UNC119B: variants seen among roughly 807,000 people sequenced by gnomAD.
The protein encoded by UNC119B is unc-119 lipid binding chaperone B.
A neutral mutation model predicts 23.4 loss-of-function variants in UNC119B; 16 were observed. The ratio of observed to expected loss-of-function variants is 0.68; its 90% confidence interval spans 0.46 to 1.04. UNC119B has a LOEUF of 1.04. Ranked by LOEUF, UNC119B falls within the 50% of genes least tolerant of loss-of-function variation. UNC119B has a pLI of 0.00. For missense variants in UNC119B, 350 were observed against 361.3 expected (o/e 0.97, Z 0.25); for synonymous variants, 144 against 145.4 (o/e 0.99, Z 0.07).
At chr12:120,716,412 G>A (rs1183836855) in intron 2 of UNC119B, among the ~76,000 whole-genome samples, 2 of 152,214 alleles carry the variant, frequency 1.3e-5, no homozygotes, top group Non-Finnish European at 2.9e-5. Context: ...TTCCTGATCT[G>A]TAAAATAGAG....
rs1882785653 is a variant in UNC119B at position 120,716,664 on chromosome 12, T to C, written c.395T>C (p.Val132Ala). 1 of 1,614,096 alleles carries C rather than the reference T, an allele frequency of 6.2e-7. No homozygotes were observed. The highest frequency in any genetic ancestry group is 8.5e-7 in the Non-Finnish European group (1 of 1,180,046). ...EEDEEEGGGD[V>A]DISAGRFVRY... Reference sequence around the variant, plus strand: ...GATGAGGAGGAGGGAGGTGGAGACGTGGACATCAGCGCAGGACGTTTTGTC... The same window carrying C: ...GATGAGGAGGAGGGAGGTGGAGACGCGGACATCAGCGCAGGACGTTTTGTC... Residue 132 changes from valine (V) to alanine (A), a missense_variant, in exon 3 of 5, where the codon GTG becomes GCG. Coordinates refer to ENST00000344651, the MANE Select transcript of UNC119B (RefSeq NM_001080533.3).
intron 2 of UNC119B, among the ~76,000 whole-genome samples, chr12:120,715,414 C>T (rs1051270590): frequency 1.3e-5 from 2 of 150,708 alleles, no homozygotes; most frequent in African/African-American, 2.4e-5. Context: ...CTGAAAAAGT[C>T]TTCTCTTATG....
chr12:120,713,885 T>G (rs1882718500), intron 2 of UNC119B, among the ~76,000 whole-genome samples: 1 of 152,168 alleles, frequency 6.6e-6, no homozygotes, highest in African/African-American at 2.4e-5. Context: ...CTTGCTCTCT[T>G]TTACATATTG....
intron 2 of UNC119B, among the ~76,000 whole-genome samples, chr12:120,714,359 C>T (rs952901676): frequency 6.6e-6 from 1 of 151,826 alleles, no homozygotes; most frequent in Non-Finnish European, 1.5e-5. Context: ...CTTGGTCTGT[C>T]ACCCAGGCTG....
chr12:120,717,584 A>T, intron 4 of UNC119B, among the ~76,000 whole-genome samples: 1 of 145,502 alleles, frequency 6.9e-6, no homozygotes. Context: ...TTTTTTTGAG[A>T]CGGAGTCTTG....
intron 1 of UNC119B, 41 bp downstream of exon 1, chr12:120,710,759 C>G (rs1882646339): frequency 7.7e-7 from 1 of 1,295,348 alleles, no homozygotes. Context: ...CGCGCCGTGC[C>G]CCGGCTCCCG....
chr12:120,715,603 G>A (rs1024099395), intron 2 of UNC119B, among the ~76,000 whole-genome samples: 2 of 129,898 alleles, frequency 1.5e-5, no homozygotes, highest in Admixed American at 9.0e-5. Flanking sequence ...GCACAATCTC[G>A]GCTCACTACA....
At chr12:120,712,883 C>T (rs1239658994) in intron 1 of UNC119B, among the ~76,000 whole-genome samples, 1 of 152,170 alleles carries the variant, frequency 6.6e-6, no homozygotes, top group African/African-American at 2.4e-5. Context: ...GGCAAACTAA[C>T]GTTGGCAAAC....
intron 1 of UNC119B, among the ~76,000 whole-genome samples, chr12:120,712,530 AT>A (rs1297439544): frequency 6.6e-6 from 1 of 152,204 alleles, no homozygotes; most frequent in African/African-American, 2.4e-5. Context: ...TCACCGGCAG[AT>A]TTATCCTCTT....
chr12:120,718,539 C>T (rs1159116490), intron 4 of UNC119B, among the ~76,000 whole-genome samples: 1 of 152,086 alleles, frequency 6.6e-6, no homozygotes, highest in African/African-American at 2.4e-5. Flanking sequence ...GGAAGAGTGG[C>T]CTAGACCTGG....
chr12:120,713,977 G>A (rs1244752960), intron 2 of UNC119B, among the ~76,000 whole-genome samples: 2 of 152,162 alleles, frequency 1.3e-5, no homozygotes, highest in Non-Finnish European at 2.9e-5. Context: ...ACTACTTGGG[G>A]TTCCTTAAAT....
intron 4 of UNC119B, among the ~76,000 whole-genome samples, chr12:120,719,036 A>T (rs1453287840): frequency 6.6e-6 from 1 of 152,242 alleles, no homozygotes; most frequent in African/African-American, 2.4e-5. Context: ...AATATTATGC[A>T]TATAAACCGA....
In UNC119B at chr12:120,716,998, C is replaced by T. The variant is rs753570015; in HGVS notation, c.599C>T (p.Thr200Ile). ...FGFCIPSSRN[T>I]CEHIYEFPQL... ...TTCTGCATCCCCAGCAGTAGGAACA[C>T]TTGTGAACATATCTATGAGTTTCCC... is the stretch of plus-strand genomic sequence containing the variant. Residue 200 changes from threonine (T) to isoleucine (I), a missense_variant, in exon 4 of 5, where the codon ACT becomes ATT. Physicochemically the swap from Thr to Ile is moderately conservative, Grantham distance 89 (BLOSUM62 -1). Transcript: ENST00000344651. 3 of 1,611,754 alleles carry T rather than the reference C, an allele frequency of 1.9e-6. No homozygotes were observed. Among genetic ancestry groups the T allele is most frequent in the Admixed American group, 1.7e-5 (1 of 59,780 alleles).
chr12:120,714,003 G>A (rs148148520), intron 2 of UNC119B, among the ~76,000 whole-genome samples: 33 of 152,240 alleles, frequency 2.2e-4, no homozygotes, highest in Admixed American at 4.6e-4. Context: ...TCCCATAGCC[G>A]CTTCCTGTGC....
In UNC119B at chr12:120,720,779, C is replaced by T. The variant is rs1037405514; in HGVS notation, c.*747C>T. ...ATCTCCTGGCTCCTCCCTTCTGAGTCTCATGAAATAGAATGAGTCAGCTCT... is the reference window on the plus strand; with the variant it reads ...ATCTCCTGGCTCCTCCCTTCTGAGTTTCATGAAATAGAATGAGTCAGCTCT... On this transcript the variant is annotated 3_prime_UTR_variant, in exon 5 of 5. Transcript: ENST00000344651. 1.3e-5 allele frequency: 2 copies of T among 152,208 alleles called. No homozygotes were observed. The highest frequency in any genetic ancestry group is 1.9e-4 in the East Asian group (1 of 5,200). 9.4% of individuals were successfully genotyped at this position (152,208 alleles called of 1,614,324 possible).
Position 120,713,078 on chromosome 12 carries a change from T to C in UNC119B, c.245-196T>C, listed in dbSNP as rs372697486. Among the ~76,000 whole-genome samples, 13 of 152,380 alleles carry C rather than the reference T, an allele frequency of 8.5e-5. 1 individual carries two copies. The South Asian group carries it at 2.7e-3, about 32-fold the overall frequency. On this transcript the variant is annotated intron_variant, in intron 1 of 4. Coordinates refer to ENST00000344651, the MANE Select transcript of UNC119B (RefSeq NM_001080533.3). ...TTTTTCATCCAAAGCAAGTCCTTGT[T>C]ATTTTTTTTCTTTGTTGGATCCCCT...
intron 2 of UNC119B, among the ~76,000 whole-genome samples, chr12:120,713,947 A>G (rs917785187): frequency 1.3e-5 from 2 of 152,178 alleles, no homozygotes; most frequent in Admixed American, 1.3e-4. Context: ...ATTTTCTGGA[A>G]GAACAGACCC....
At position 120,717,035 on chromosome 12, in the gene UNC119B, G is replaced by T; in HGVS notation, c.636G>T (p.Glu212Asp). ...EHIYEFPQLS[E>D]DVIRLMIENP... ...TCTATGAGTTTCCCCAGCTTTCGGAGGATGTCAGTATGTATCCCCTGACCC... is the reference window on the plus strand; with the variant it reads ...TCTATGAGTTTCCCCAGCTTTCGGATGATGTCAGTATGTATCCCCTGACCC... The change falls in exon 4 of 5, where the codon GAG becomes GAT. Residue 212 changes from glutamate (E) to aspartate (D), a missense_variant. Physicochemically the swap from Glu to Asp is conservative, Grantham distance 45 (BLOSUM62 2). Transcript: ENST00000344651. The T allele has an allele frequency of 1.3e-6, 2 of 1,590,854 alleles. No individual in the cohort carries two copies. Among genetic ancestry groups the T allele is most frequent in the Non-Finnish European group, 1.7e-6 (2 of 1,167,460 alleles).
rs1330478764 is a variant in UNC119B at position 120,720,151 on chromosome 12, G to T, written c.*119G>T. 6.9e-6 allele frequency: 5 copies of T among 728,776 alleles called. No individual in the cohort carries two copies. The highest frequency in any genetic ancestry group is 1.1e-5 in the Non-Finnish European group (5 of 438,838). The allele number at this position is 728,776 out of a possible 1,614,324, so 45.1% of individuals were successfully genotyped here. ...TGGAACCTGGCCCCAGGAAGCCAAG[G>T]CTGGGGTGGCAGTTTCCTGCGCGCC... On this transcript the variant is annotated 3_prime_UTR_variant, in exon 5 of 5. Coordinates refer to ENST00000344651, the MANE Select transcript of UNC119B (RefSeq NM_001080533.3).
Sources: gnomAD v4.1 joint callset for allele counts (sites outside exome capture counted in the v4.1 genomes callset) on GRCh38, gnomAD v4.1.1 for gene constraint, MANE v1.5 for transcripts, NCBI Gene and HGNC (gene_info 2026-07-23, HGNC 2026-07-21) for gene names.